The following TBC1D9 variants were observed in gnomAD, a reference collection of about 807,000 sequenced individuals.
TBC1D9 encodes TBC1 domain family member 9A.
TBC1D9 carries 63 observed loss-of-function variants against 132.0 expected under a neutral mutation model. The ratio of observed to expected loss-of-function variants is 0.48; its 90% CI spans 0.39 to 0.59. The LOEUF (loss-of-function observed/expected upper bound fraction) is 0.59. Ranked by LOEUF, TBC1D9 falls within the 20% of genes least tolerant of loss-of-function variation. The pLI, the probability that TBC1D9 is intolerant of heterozygous loss-of-function variation, is 0.00. For synonymous variants in TBC1D9, 610 were observed against 609.9 expected (o/e 1.00, Z 0.00); for missense variants, 1,261 against 1,592.7 (o/e 0.79, Z 3.54).
At chr4:140,736,250 T>C (rs1294537654) in intron 1 of TBC1D9, among the ~76,000 whole-genome samples, 1 of 151,846 alleles carries the variant, frequency 6.6e-6, no homozygotes, top group Admixed American at 6.6e-5. Context: ...CAGATTAAAG[T>C]CAAAGGGCAT....
At chr4:140,711,470 C>G (rs9308129) in intron 1 of TBC1D9, among the ~76,000 whole-genome samples, 9,634 of 152,212 alleles carry the variant, frequency 0.063, 426 homozygotes, top group African/African-American at 0.12. Context: ...TCAGGAAGGC[C>G]ACATTTGCAG....
At chr4:140,672,278 T>C (rs561985571) in intron 6 of TBC1D9, among the ~76,000 whole-genome samples, 24 of 149,912 alleles carry the variant, frequency 1.6e-4, no homozygotes, top group Middle Eastern at 7.1e-3. Context: ...TATATTTATA[T>C]ATATTAAAGG....
At chr4:140,721,008 C>G (rs949538942) in intron 1 of TBC1D9, among the ~76,000 whole-genome samples, 2 of 152,176 alleles carry the variant, frequency 1.3e-5, no homozygotes, top group African/African-American at 4.8e-5. Context: ...AGCCCTCACT[C>G]AGCTCAGCCA....
At chr4:140,731,020 G>C (rs1264605178) in intron 1 of TBC1D9, among the ~76,000 whole-genome samples, 2 of 152,280 alleles carry the variant, frequency 1.3e-5, no homozygotes, top group African/African-American at 4.8e-5. Flanking sequence ...AAGACAGTCA[G>C]CCACATTCTT....
chr4:140,741,101 C>T (rs2111077941), intron 1 of TBC1D9, among the ~76,000 whole-genome samples: 1 of 152,204 alleles, frequency 6.6e-6, no homozygotes, highest in African/African-American at 2.4e-5. Flanking sequence ...AATCTCCTCC[C>T]TTTGGAATTC....
chr4:140,659,585 T>C lies in TBC1D9; in HGVS notation c.1921+3A>G. On this transcript the variant is annotated splice_donor_region_variant and intron_variant, in intron 11 of 20. Coordinates refer to ENST00000442267, the MANE Select transcript of TBC1D9 (RefSeq NM_015130.3). ...TTGAAATGTTAAATGCATCTCCACT[T>C]ACCCACAACTCTGGTGTTGTAGTAA... 1 of 1,578,474 alleles carries C rather than the reference T, an allele frequency of 6.3e-7. No homozygotes were observed. Among genetic ancestry groups the C allele is most frequent in the African/African-American group, 1.3e-5 (1 of 74,304 alleles).
intron 2 of TBC1D9, among the ~76,000 whole-genome samples, chr4:140,696,170 G>A (rs1038569707): frequency 3.0e-5 from 4 of 132,144 alleles, no homozygotes; most frequent in African/African-American, 1.1e-4. Flanking sequence ...AGATAAAAAA[G>A]AGGCGGGCCA....
At chr4:140,673,628 G>C (rs1737574707) in intron 6 of TBC1D9, among the ~76,000 whole-genome samples, 1 of 152,206 alleles carries the variant, frequency 6.6e-6, no homozygotes, top group African/African-American at 2.4e-5. Flanking sequence ...TCAGTTCAAA[G>C]AAAAGGCACT....
At chr4:140,649,118 T>G (rs146899331) in intron 13 of TBC1D9, among the ~76,000 whole-genome samples, 1 of 152,278 alleles carries the variant, frequency 6.6e-6, no homozygotes, top group Non-Finnish European at 1.5e-5. Flanking sequence ...TTCTAAATCC[T>G]CCAAAGAGAA....
At chr4:140,707,723 C>T (rs1169802620) in intron 1 of TBC1D9, among the ~76,000 whole-genome samples, 1 of 152,170 alleles carries the variant, frequency 6.6e-6, no homozygotes, top group Non-Finnish European at 1.5e-5. Flanking sequence ...CCTTGTTTGT[C>T]TGCTTGTTAC....
Position 140,679,198 on chromosome 4 carries a change from G to C in TBC1D9, c.595C>G (p.Leu199Val), listed in dbSNP as rs1394896133. The change falls in exon 5 of 21, where the codon CTG (leucine) becomes GTG (valine). Residue 199 changes from leucine (L) to valine (V), a missense_variant. Around this residue, in one of 3 missense-constraint regions of TBC1D9, gnomAD observed 550 missense variants for 699.0 expected, o/e 0.79. Transcript: ENST00000442267. ...YSFLMGREAK[L>V]VIRWVDITQL... ...GTGATGTCTACCCACCGGATGACCAGTTTCGCTGAGCACAAGGAACAAGCC... is the reference window on the plus strand; with the variant it reads ...GTGATGTCTACCCACCGGATGACCACTTTCGCTGAGCACAAGGAACAAGCC... 2 of 1,612,348 alleles carry C rather than the reference G, an allele frequency of 1.2e-6. No homozygotes were observed. The highest frequency in any genetic ancestry group is 1.7e-6 in the Non-Finnish European group (2 of 1,178,830).
chr4:140,624,582 G>C (rs547327025), intron 18 of TBC1D9, among the ~76,000 whole-genome samples, 194 bp from the exon 19 acceptor site: 1 of 152,018 alleles, frequency 6.6e-6, no homozygotes, highest in Non-Finnish European at 1.5e-5. Context: ...AACAATTTTT[G>C]GGGGGGATAA....
chr4:140,694,014 G>T (rs895225295), intron 2 of TBC1D9, among the ~76,000 whole-genome samples: 1 of 152,132 alleles, frequency 6.6e-6, no homozygotes, highest in African/African-American at 2.4e-5. Context: ...GGGCAATCAG[G>T]CTAGACATAT....
Position 140,731,863 on chromosome 4 carries a change from C to T in TBC1D9, c.130+24053G>A, listed in dbSNP as rs1225464177. Among the ~76,000 whole-genome samples, 4 of 152,086 alleles carry T rather than the reference C, an allele frequency of 2.6e-5. No individual in the cohort carries two copies. In the East Asian group the frequency reaches 7.7e-4, roughly 29 times the overall value. On this transcript the variant is annotated intron_variant, in intron 1 of 20. Transcript: ENST00000442267. ...CTTATTCTAAAACCTCTCTTCTTTC[C>T]ACCATACCATAAAAGAAAATGTGCC...
At chr4:140,718,613 C>T (rs1738376050) in intron 1 of TBC1D9, among the ~76,000 whole-genome samples, 2 of 152,140 alleles carry the variant, frequency 1.3e-5, no homozygotes, top group African/African-American at 2.4e-5. Flanking sequence ...CAAATAATTT[C>T]CAGAAGATCA....
intron 13 of TBC1D9, among the ~76,000 whole-genome samples, chr4:140,647,319 A>G (rs937951608): frequency 1.3e-5 from 2 of 152,232 alleles, no homozygotes; most frequent in Non-Finnish European, 2.9e-5. Flanking sequence ...CTGAGCTGCA[A>G]GTGGTCTGAG....
chr4:140,628,574 G>A (rs1736743516), intron 16 of TBC1D9, among the ~76,000 whole-genome samples: 1 of 152,222 alleles, frequency 6.6e-6, no homozygotes, highest in African/African-American at 2.4e-5. Context: ...TGTTGGGAGA[G>A]TTAAACCCTC....
At chr4:140,731,981 A>G (rs1028066162) in intron 1 of TBC1D9, among the ~76,000 whole-genome samples, 3 of 152,156 alleles carry the variant, frequency 2.0e-5, no homozygotes, top group Admixed American at 6.5e-5. Context: ...ATCTAGCCCC[A>G]GCCCTGCGTG....
At chr4:140,707,260 T>C (rs1738163529) in intron 1 of TBC1D9, among the ~76,000 whole-genome samples, 1 of 152,188 alleles carries the variant, frequency 6.6e-6, no homozygotes, top group South Asian at 2.1e-4. Flanking sequence ...TGTGAGTTAT[T>C]TGCCTTTCCC....
Sources: gnomAD v4.1 joint callset for allele counts (sites outside exome capture counted in the v4.1 genomes callset) on GRCh38, gnomAD v4.1.1 for gene constraint, gnomAD v4.1.1 regional missense constraint, MANE v1.5 for transcripts, NCBI Gene and HGNC (gene_info 2026-07-23, HGNC 2026-07-21) for gene names.